Variants in GRM8 observed in about 807,000 individuals in gnomAD.
The protein encoded by GRM8 is glutamate metabotropic receptor 8.
In GRM8, 47 loss-of-function variants were observed where a neutral mutation model predicts 87.2. The observed-to-expected ratio is 0.54, with a 90% CI of 0.43 to 0.69. The LOEUF is 0.69. GRM8 is among the 30% of genes least tolerant of loss of function. The pLI is 0.00. For missense variants in GRM8, 1,019 were observed against 1,139.2 expected (o/e 0.89, Z 1.52); for synonymous variants, 396 against 404.5 (o/e 0.98, Z 0.25).
At chr7:127,032,652 T>C (rs1817488019) in intron 3 of GRM8, among the ~76,000 whole-genome samples, 1 of 152,134 alleles carries the variant, frequency 6.6e-6, no homozygotes, top group Non-Finnish European at 1.5e-5. Flanking sequence ...TCTTTAACTA[T>C]GCATGAACAG....
intron 3 of GRM8, among the ~76,000 whole-genome samples, chr7:127,085,636 T>C (rs772830122): frequency 5.9e-5 from 9 of 152,222 alleles, no homozygotes; most frequent in Non-Finnish European, 1.2e-4. Flanking sequence ...TCGTATCCTT[T>C]ACCCACGTTT....
chr7:127,097,376 T>C (rs1276253679), intron 3 of GRM8, among the ~76,000 whole-genome samples: 1 of 152,178 alleles, frequency 6.6e-6, no homozygotes, highest in East Asian at 1.9e-4. Context: ...CAGAAGTGGG[T>C]GGATGGCATT....
chr7:126,639,256 G>A (rs1771466869), intron 7 of GRM8, among the ~76,000 whole-genome samples: 1 of 152,114 alleles, frequency 6.6e-6, no homozygotes, highest in South Asian at 2.1e-4. Flanking sequence ...TGCATCTACT[G>A]ACCACATAGT....
intron 6 of GRM8, among the ~76,000 whole-genome samples, chr7:126,779,834 A>C (rs969453557): frequency 2.0e-5 from 3 of 152,186 alleles, no homozygotes; most frequent in Non-Finnish European, 4.4e-5. Flanking sequence ...TACCTCTTCT[A>C]CACAACACGG....
chr7:126,741,283 C>T (rs1418861982), intron 7 of GRM8, among the ~76,000 whole-genome samples: 1 of 151,928 alleles, frequency 6.6e-6, no homozygotes, highest in Non-Finnish European at 1.5e-5. Context: ...TCTAATGAGG[C>T]TGTTTCCAAT....
chr7:126,958,366 A>G (rs1225532172), intron 3 of GRM8, among the ~76,000 whole-genome samples: 1 of 152,148 alleles, frequency 6.6e-6, no homozygotes, highest in Non-Finnish European at 1.5e-5. Flanking sequence ...GGGGCTCTGC[A>G]GTTCCTAGTG....
intron 7 of GRM8, among the ~76,000 whole-genome samples, chr7:126,613,645 A>C (rs1799150226): frequency 6.6e-6 from 1 of 152,234 alleles, no homozygotes; most frequent in Non-Finnish European, 1.5e-5. Context: ...AATGGGTGAC[A>C]GACGGCACCT....
intron 6 of GRM8, among the ~76,000 whole-genome samples, chr7:126,855,532 A>G (rs2130766490): frequency 6.6e-6 from 1 of 151,034 alleles, no homozygotes; most frequent in Admixed American, 6.6e-5. Flanking sequence ...CTGGAGTGCA[A>G]TAGAGTGATC....
chr7:127,138,707 G>C (rs896944789), intron 2 of GRM8, among the ~76,000 whole-genome samples: 1 of 151,946 alleles, frequency 6.6e-6, no homozygotes, highest in Non-Finnish European at 1.5e-5. Context: ...ATATGCCAAG[G>C]CAACTTAAGG....
intron 8 of GRM8, among the ~76,000 whole-genome samples, chr7:126,545,701 T>C (rs9641795): frequency 0.36 from 54,574 of 151,700 alleles, 9,911 homozygotes; most frequent in East Asian, 0.43. Context: ...GTCAGTACTT[T>C]ATAATAACTA....
intron 3 of GRM8, among the ~76,000 whole-genome samples, chr7:127,100,000 G>A (rs1825069243): frequency 6.6e-6 from 1 of 152,138 alleles, no homozygotes. Context: ...GGTAGAGGCA[G>A]AGACTGGAGT....
intron 7 of GRM8, among the ~76,000 whole-genome samples, chr7:126,663,639 T>A (rs969846282): frequency 2.0e-5 from 3 of 152,030 alleles, no homozygotes; most frequent in Non-Finnish European, 4.4e-5. Flanking sequence ...AAAGAACATA[T>A]CTCAAAATAA....
chr7:127,138,851 C>T (rs1828097040), intron 2 of GRM8, among the ~76,000 whole-genome samples: 1 of 152,140 alleles, frequency 6.6e-6, no homozygotes, highest in East Asian at 1.9e-4. Context: ...AAAATCAGAA[C>T]AAAGAAAACA....
In GRM8 at chr7:126,661,857, A is replaced by C. The variant is rs190960140; in HGVS notation, c.1358-52359T>G. Among the ~76,000 whole-genome samples, 942 of 152,206 alleles carry C rather than the reference A, an allele frequency of 6.2e-3. 5 individuals carry two copies. Among genetic ancestry groups the C allele is most frequent in the Middle Eastern group, 0.01 (3 of 294 alleles). Reference sequence around the variant, plus strand: ...GCTCCCTAACAACTTGTTTCAAATCAATATGCCACTTTAATATGAGAAAGT... The same window carrying C: ...GCTCCCTAACAACTTGTTTCAAATCCATATGCCACTTTAATATGAGAAAGT... On this transcript the variant is annotated intron_variant, in intron 7 of 10. Transcript: ENST00000339582.
intron 9 of GRM8, among the ~76,000 whole-genome samples, chr7:126,505,765 C>G (rs933360194): frequency 1.3e-5 from 2 of 152,020 alleles, no homozygotes; most frequent in Non-Finnish European, 2.9e-5. Flanking sequence ...TATAGATATA[C>G]GTTTTGAAAT....
At chr7:126,660,955 C>T (rs1034872438) in intron 7 of GRM8, among the ~76,000 whole-genome samples, 3 of 151,984 alleles carry the variant, frequency 2.0e-5, no homozygotes, top group African/African-American at 4.8e-5. Flanking sequence ...TCAGGTTTTT[C>T]GACTGAACTC....
rs1245603749 is a variant in GRM8 at position 127,193,997 on chromosome 7, C to G, written c.510+48698G>C. ...AGGCCCTATCTCAAAGATGAGCCAC[C>G]CCTACTGGTGATAGAGGGCACCCAG... is the stretch of plus-strand genomic sequence containing the variant. On this transcript the variant is annotated intron_variant, in intron 2 of 10. Transcript: ENST00000339582. Among the ~76,000 whole-genome samples, 24 of 152,120 alleles carry G rather than the reference C, an allele frequency of 1.6e-4. 2 individuals are homozygous for G. The highest frequency in any genetic ancestry group is 1.4e-3 in the Admixed American group (22 of 15,272).
rs1483126571 is a variant in GRM8, at chr7:127,066,708, C to T, written c.727+39788G>A. On this transcript the variant is annotated intron_variant, in intron 3 of 10. Coordinates refer to ENST00000339582, the MANE Select transcript of GRM8 (RefSeq NM_000845.3). ...ACTGTATATTATTAACAGTAGTCAT[C>T]CTACAGTGCTAGAGAACACAAACTT... Among the ~76,000 whole-genome samples the T allele has an allele frequency of 2.0e-5, 3 of 152,094 alleles. No individual in the cohort carries two copies. The East Asian group carries it at 5.8e-4, about 29-fold the overall frequency.
chr7:126,812,452 A>C (rs1378787312), intron 6 of GRM8, among the ~76,000 whole-genome samples: 2 of 152,038 alleles, frequency 1.3e-5, no homozygotes, highest in East Asian at 3.8e-4. Context: ...TAATTGTAAC[A>C]CAATGGTAAG....
Sources: gnomAD v4.1 joint callset for allele counts (sites outside exome capture counted in the v4.1 genomes callset) on GRCh38, gnomAD v4.1.1 for gene constraint, MANE v1.5 for transcripts, NCBI Gene and HGNC (gene_info 2026-07-23, HGNC 2026-07-21) for gene names.